Variants in TANC2 observed in about 807,000 individuals in gnomAD.
TANC2 encodes the protein tetratricopeptide repeat, ankyrin repeat and coiled-coil containing 2.
In TANC2, 26 loss-of-function variants were observed where a neutral mutation model predicts 210.5. The ratio of observed to expected loss-of-function variants is 0.12; its 90% CI spans 0.09 to 0.17. TANC2 has a LOEUF of 0.17. TANC2 is among the 10% of genes least tolerant of loss of function. TANC2 has a pLI of 1.00. For missense variants in TANC2, 2,129 were observed against 2,608.9 expected, an observed-to-expected ratio of 0.82 and a Z score of 4.01; for synonymous variants, 931 against 967.1, an observed-to-expected ratio of 0.96 and a Z score of 0.69.
At chr17:63,198,173 A>G (rs757780674) in intron 6 of TANC2, among the ~76,000 whole-genome samples, 1 of 151,996 alleles carries the variant, frequency 6.6e-6, no homozygotes, top group Non-Finnish European at 1.5e-5. Context: ...ATAGATTCCT[A>G]TCATAATAAA....
chr17:63,335,045 A>T (rs2045979828), intron 11 of TANC2, among the ~76,000 whole-genome samples: 1 of 152,114 alleles, frequency 6.6e-6, no homozygotes, highest in South Asian at 2.1e-4. Context: ...GCCTTGAGGG[A>T]TCTGCCCCCA....
At chr17:63,400,653 T>G (rs995831710) in intron 19 of TANC2, among the ~76,000 whole-genome samples, 1 of 150,928 alleles carries the variant, frequency 6.6e-6, no homozygotes, top group Non-Finnish European at 1.5e-5. Context: ...TTTTTTTTTC[T>G]TTTTTTTTGA....
In TANC2 at chr17:63,281,687, A is replaced by G. The variant is rs1018491740; in HGVS notation, c.1159+13814A>G. Among the ~76,000 whole-genome samples, 10 of 152,180 alleles carry G rather than the reference A, an allele frequency of 6.6e-5. No individual in the cohort carries two copies. The South Asian group carries it at 1.0e-3, about 16-fold the overall frequency. On this transcript the variant is annotated intron_variant, in intron 9 of 27. Transcript: ENST00000689528. ...ATTCAGGTCCACCCAGAATCTAAGA[A>G]CGTGACCTTTTTGGAACTAAGACCT...
At chr17:63,071,656 T>A (rs2036402374) in intron 2 of TANC2, among the ~76,000 whole-genome samples, 3 of 151,460 alleles carry the variant, frequency 2.0e-5, no homozygotes, top group South Asian at 4.2e-4. Context: ...GGGAAAAACA[T>A]TTTTTTTTCT....
intron 4 of TANC2, chr17:63,150,376 T>C (rs1190329095): frequency 6.6e-6 from 1 of 152,190 alleles, no homozygotes; most frequent in Non-Finnish European, 1.5e-5. Context: ...ATTTTAACTT[T>C]TACAATAACT....
chr17:63,271,849 A>C (rs2043720466), intron 9 of TANC2, among the ~76,000 whole-genome samples: 1 of 152,094 alleles, frequency 6.6e-6, no homozygotes, highest in African/African-American at 2.4e-5. Context: ...GCTGGGTATT[A>C]GACTTTTGTC....
chr17:63,147,276 G>C (rs577936138), intron 4 of TANC2, among the ~76,000 whole-genome samples: 6 of 152,206 alleles, frequency 3.9e-5, no homozygotes, highest in Non-Finnish European at 8.8e-5. Flanking sequence ...CTGAGAGGAG[G>C]AGGTTGCAGG....
intron 14 of TANC2, among the ~76,000 whole-genome samples, chr17:63,359,363 TC>T (rs1168832678): frequency 1.3e-5 from 2 of 149,756 alleles, no homozygotes; most frequent in African/African-American, 5.0e-5. Flanking sequence ...TTTTTTTTTT[TC>T]GAGACAGAGT....
intron 12 of TANC2, among the ~76,000 whole-genome samples, chr17:63,350,236 T>G (rs567667693): frequency 1.3e-5 from 2 of 152,294 alleles, no homozygotes; most frequent in African/African-American, 4.8e-5. Flanking sequence ...GTCCTCGGCT[T>G]CTTCTTTTTC....
chr17:63,323,965 C>T (rs1264719590), intron 11 of TANC2, among the ~76,000 whole-genome samples: 1 of 152,182 alleles, frequency 6.6e-6, no homozygotes, highest in East Asian at 1.9e-4. Context: ...TACTCTTAAC[C>T]ACTGCACGAA....
At chr17:63,068,849 A>G (rs2036296681) in intron 2 of TANC2, among the ~76,000 whole-genome samples, 1 of 152,186 alleles carries the variant, frequency 6.6e-6, no homozygotes, top group Admixed American at 6.5e-5. Flanking sequence ...AAAATGGCAC[A>G]TTGCTGGATG....
intron 8 of TANC2, among the ~76,000 whole-genome samples, chr17:63,256,519 T>A (rs1280388076): frequency 6.6e-6 from 1 of 152,216 alleles, no homozygotes; most frequent in Non-Finnish European, 1.5e-5. Context: ...TAACATATGG[T>A]CTGCCCTTGA....
At chr17:63,221,118 A>G (rs1251299841) in intron 7 of TANC2, among the ~76,000 whole-genome samples, 1 of 152,040 alleles carries the variant, frequency 6.6e-6, no homozygotes, top group African/African-American at 2.4e-5. Flanking sequence ...CAAAATTTAA[A>G]ATATTTACTC....
At chr17:63,345,649 C>A (rs1051076059) in intron 12 of TANC2, among the ~76,000 whole-genome samples, 20 of 150,484 alleles carry the variant, frequency 1.3e-4, no homozygotes, top group African/African-American at 4.9e-4. Flanking sequence ...ACACATAATC[C>A]CAGCAGAATT....
At chr17:62,974,203 T>C (rs547507087) in intron 1 of TANC2, among the ~76,000 whole-genome samples, 1 of 152,340 alleles carries the variant, frequency 6.6e-6, no homozygotes, top group East Asian at 1.9e-4. Flanking sequence ...TAATGATTTA[T>C]CTCACAGGCC....
At chr17:63,267,964 T>TA (rs1281502321) in intron 9 of TANC2, 91 bp downstream of exon 9, 3 of 1,388,842 alleles carry the variant, frequency 2.2e-6, no homozygotes, top group Non-Finnish European at 9.7e-7. Flanking sequence ...TTCCCATACT[T>TA]ACTTAAACCT....
chr17:63,420,588 C>T lies in TANC2; in HGVS notation c.4858C>T (p.Leu1620Phe). ...ATACCCAAGCCCTCCCCCTTCCCCT[C>T]TCCGGAGAGGCCCTCAGTATCGGGC... The change falls in exon 28 of 28, where the codon CTC becomes TTC. Residue 1620 changes from leucine (L) to phenylalanine (F), a missense_variant. Physicochemically the swap from Leu to Phe is conservative, Grantham distance 22. Coordinates refer to ENST00000689528, the Ensembl canonical transcript of TANC2. This position sits in a 1 kb window ranked among gnomAD's most constrained non-coding sequence, Gnocchi z 4.2. 3 of 1,613,924 alleles carry T rather than the reference C, an allele frequency of 1.9e-6. No homozygotes were observed. The highest frequency in any genetic ancestry group is 2.5e-6 in the Non-Finnish European group (3 of 1,179,828).
At chr17:63,087,864 A>G (rs1381622557) in intron 3 of TANC2, among the ~76,000 whole-genome samples, 1 of 152,152 alleles carries the variant, frequency 6.6e-6, no homozygotes, top group Non-Finnish European at 1.5e-5. Flanking sequence ...TCTCTCTCCA[A>G]CTTTGGCACA....
intron 27 of TANC2, 49 bp from the exon 28 acceptor site, chr17:63,419,950 T>C (rs537004950): frequency 2.0e-6 from 3 of 1,482,750 alleles, no homozygotes; most frequent in East Asian, 2.5e-5. Context: ...TGGTGATTTC[T>C]CTGGATTCAG....
Sources: gnomAD v4.1 joint callset for allele counts (sites outside exome capture counted in the v4.1 genomes callset) on GRCh38, gnomAD v4.1.1 for gene constraint, Gnocchi (gnomAD v3.1) non-coding constraint, MANE v1.5 for transcripts, NCBI Gene and HGNC (gene_info 2026-07-23, HGNC 2026-07-21) for gene names.